Variants in UBE2D3 observed in about 807,000 individuals in gnomAD.
UBE2D3 encodes the protein ubiquitin-conjugating enzyme E2 D3.
A neutral mutation model predicts 22.8 loss-of-function variants in UBE2D3; 2 were observed. That is an observed-to-expected ratio of 0.09 (90% CI 0.04 to 0.28). The LOEUF (loss-of-function observed/expected upper bound fraction) is 0.28, where lower values mean the gene tolerates loss of function less well. Ranked by LOEUF, UBE2D3 falls within the 10% of genes least tolerant of loss-of-function variation. UBE2D3 has a pLI of 1.00. For missense variants in UBE2D3, 27 were observed against 182.5 expected, an observed-to-expected ratio of 0.15 and a Z score of 4.91; for synonymous variants, 56 against 60.4, an observed-to-expected ratio of 0.93 and a Z score of 0.34.
chr4:102,800,145 G>A (rs1014201693), intron 6 of UBE2D3, among the ~76,000 whole-genome samples: 22 of 151,986 alleles, frequency 1.4e-4, no homozygotes, highest in African/African-American at 5.3e-4. Flanking sequence ...CACTTTGAGT[G>A]CCTGCTATGT....
intron 7 of UBE2D3, among the ~76,000 whole-genome samples, chr4:102,798,576 C>G (rs1020513735): frequency 2.6e-5 from 4 of 151,196 alleles, no homozygotes; most frequent in African/African-American, 9.7e-5. Context: ...CCTTACATTA[C>G]TATCTCCCGG....
chr4:102,810,078 C>A (rs1230492194), intron 2 of UBE2D3: 1 of 476,036 alleles, frequency 2.1e-6, no homozygotes, highest in Non-Finnish European at 3.8e-6. Context: ...CACATTGATA[C>A]AAAATTTTTT....
At chr4:102,848,228 T>A (rs1732148206) in intron 1 of UBE2D3, among the ~76,000 whole-genome samples, 1 of 152,144 alleles carries the variant, frequency 6.6e-6, no homozygotes, top group East Asian at 1.9e-4. Flanking sequence ...AACTGCAAAC[T>A]GGCTGGGCAC....
intron 1 of UBE2D3, among the ~76,000 whole-genome samples, chr4:102,834,846 T>C (rs1235180805): frequency 6.6e-6 from 1 of 152,000 alleles, no homozygotes; most frequent in South Asian, 2.1e-4. Context: ...TGGCACCATC[T>C]TGGCTCACTG....
chr4:102,821,407 G>A lies in UBE2D3; in HGVS notation c.24+5078C>T, dbSNP rs529252979. Among the ~76,000 whole-genome samples, 13 of 152,120 alleles carry A rather than the reference G, an allele frequency of 8.5e-5. No homozygotes were observed. The South Asian group carries it at 2.5e-3, about 29-fold the overall frequency. ...ATGCTTATTTTCACCACTGAACGCA[G>A]AGATTACCATAGATAAGGACCATCT... On this transcript the variant is annotated intron_variant, in intron 2 of 7. Coordinates refer to ENST00000453744, the MANE Select transcript of UBE2D3 (RefSeq NM_181891.3).
At chr4:102,856,894 A>G (rs1444383375) in intron 1 of UBE2D3, among the ~76,000 whole-genome samples, 1 of 152,196 alleles carries the variant, frequency 6.6e-6, no homozygotes, top group East Asian at 1.9e-4. Context: ...ACCCAGGGGT[A>G]TAAGGTAGGT....
intron 1 of UBE2D3, among the ~76,000 whole-genome samples, chr4:102,845,719 T>G (rs1052450235): frequency 3.3e-5 from 5 of 152,214 alleles, no homozygotes; most frequent in Admixed American, 1.3e-4. Flanking sequence ...TGGGTCAAAC[T>G]ACTCTGGTTA....
intron 6 of UBE2D3, among the ~76,000 whole-genome samples, chr4:102,799,776 A>G (rs1164652677): frequency 3.5e-5 from 5 of 141,578 alleles, no homozygotes; most frequent in African/African-American, 1.0e-4. Context: ...ATTAATATAT[A>G]TATTTTAAAT....
At chr4:102,809,381 T>C (rs1160590377) in intron 4 of UBE2D3, 2 of 349,902 alleles carry the variant, frequency 5.7e-6, no homozygotes, top group Non-Finnish European at 1.1e-5. Flanking sequence ...GGAAGTTCCA[T>C]GACAATGCTT....
intron 4 of UBE2D3, among the ~76,000 whole-genome samples, chr4:102,804,034 GTGC>G (rs925948920): frequency 6.6e-6 from 1 of 152,030 alleles, no homozygotes; most frequent in Non-Finnish European, 1.5e-5. Context: ...CTCCCAAAAT[GTGC>G]TGATTATAGG....
At position 102,827,548 on chromosome 4, in the gene UBE2D3, A is replaced by C. The variant is rs1730780038; in HGVS notation, c.-250T>G. On this transcript the variant is annotated 5_prime_UTR_variant, in exon 1 of 8. Transcript: ENST00000453744. Reference sequence around the variant, plus strand: ...AGCCACAAGATGTCCGCTCTGACGGAACTACTGCCAGCTGCCACGCTCCGC... The same window carrying C: ...AGCCACAAGATGTCCGCTCTGACGGCACTACTGCCAGCTGCCACGCTCCGC... 1 of 986,324 alleles carries C rather than the reference A, an allele frequency of 1.0e-6. No individual in the cohort carries two copies. The highest frequency in any genetic ancestry group is 6.1e-5 in the Admixed American group (1 of 16,262). 61.1% of individuals were successfully genotyped at this position (986,324 alleles called of 1,614,324 possible). A position where few individuals can be genotyped will look rare whatever the true frequency, so the allele number is the denominator to read the frequency against.
intron 1 of UBE2D3, chr4:102,843,728 C>T (rs904220027): frequency 2.0e-5 from 3 of 152,148 alleles, no homozygotes; most frequent in South Asian, 4.1e-4. Flanking sequence ...ATGCATATGT[C>T]GTACCAAAGC....
intron 7 of UBE2D3, chr4:102,798,899 A>T: frequency 1.2e-6 from 2 of 1,608,692 alleles, no homozygotes; most frequent in Non-Finnish European, 1.7e-6. Context: ...TACCATAATA[A>T]GCGCACCATA....
At chr4:102,823,936 G>C (rs1020213481) in intron 2 of UBE2D3, among the ~76,000 whole-genome samples, 2 of 152,104 alleles carry the variant, frequency 1.3e-5, no homozygotes, top group Non-Finnish European at 2.9e-5. Context: ...ATTCGAAATA[G>C]GTACGTAACA....
At chr4:102,819,641 A>C (rs1342603594) in intron 2 of UBE2D3, 1 of 982,732 alleles carries the variant, frequency 1.0e-6, no homozygotes, top group Non-Finnish European at 1.2e-6. Flanking sequence ...TCAAAATTCA[A>C]AAGCCTATAT....
At chr4:102,858,890 A>G (rs1296253071) in intron 1 of UBE2D3, among the ~76,000 whole-genome samples, 1 of 151,944 alleles carries the variant, frequency 6.6e-6, no homozygotes, top group Non-Finnish European at 1.5e-5. Context: ...TACTGTAGCT[A>G]TAGTTATTTT....
In UBE2D3 at chr4:102,826,586, C is replaced by T. The variant is rs1285503029; in HGVS notation, c.-78G>A. On this transcript the variant is annotated 5_prime_UTR_variant, in exon 2 of 8. Transcript: ENST00000453744. ...CGGCCAAAACTCTTGATTATCCCGG[C>T]GGCGGGGCAGGATTGTCTCGTCTCA... 6.2e-7 allele frequency: 1 copy of T among 1,603,638 alleles called. No homozygotes were observed. Among genetic ancestry groups the T allele is most frequent in the African/African-American group, 1.3e-5 (1 of 74,708 alleles).
chr4:102,805,066 C>G (rs1271350512), intron 4 of UBE2D3, among the ~76,000 whole-genome samples: 1 of 152,102 alleles, frequency 6.6e-6, no homozygotes, highest in Non-Finnish European at 1.5e-5. Context: ...CAAATGCTGT[C>G]TATGACTGCT....
chr4:102,840,878 A>G (rs1429610042), intron 1 of UBE2D3, among the ~76,000 whole-genome samples: 4 of 152,198 alleles, frequency 2.6e-5, no homozygotes, highest in South Asian at 4.1e-4. Flanking sequence ...TTAGCTGGGC[A>G]CGGTGGCAGG....
Sources: allele counts gnomAD v4.1 joint callset (sites outside exome capture counted in the v4.1 genomes callset), GRCh38; gene constraint gnomAD v4.1.1; transcripts MANE v1.5; gene names NCBI Gene and HGNC (gene_info 2026-07-23, HGNC 2026-07-21).